Variants in BTBD8 observed in about 807,000 individuals in gnomAD.
The protein encoded by BTBD8 is BTB domain containing 8.
A neutral mutation model predicts 162.9 loss-of-function variants in BTBD8; 110 were observed. That is an observed-to-expected ratio of 0.68 (90% confidence interval 0.58 to 0.79). The LOEUF (loss-of-function observed/expected upper bound fraction) is 0.79. Ranked by LOEUF, BTBD8 falls within the 30% of genes least tolerant of loss-of-function variation. The pLI is 0.00. For missense variants in BTBD8, 1,905 were observed against 2,085.4 expected, an observed-to-expected ratio of 0.91 and a Z score of 1.68; for synonymous variants, 667 against 716.1, an observed-to-expected ratio of 0.93 and a Z score of 1.10.
In BTBD8 at chr1:92,182,313, A is replaced by G. The variant is rs1650937812; in HGVS notation, c.4630A>G (p.Ser1544Gly). Residue 1544 changes from serine (S) to glycine (G), a missense_variant, in exon 17 of 18, where the codon AGT (serine) becomes GGT (glycine). Physicochemically the swap from Ser to Gly is moderately conservative, Grantham distance 56 (BLOSUM62 0). Transcript: ENST00000636805. ...EKKNTIDVLS[S>G]RSRQLLREDK... Reference sequence around the variant, plus strand: ...AAAGAACACAATAGACGTCCTATCCAGTAGAAGCAGACAGCTTCTTCGAGA... The same window carrying G: ...AAAGAACACAATAGACGTCCTATCCGGTAGAAGCAGACAGCTTCTTCGAGA... The G allele has an allele frequency of 1.9e-6, 3 of 1,551,060 alleles. No individual in the cohort carries two copies. The highest frequency in any genetic ancestry group is 2.7e-5 in the African/African-American group (2 of 73,124).
intron 5 of BTBD8, among the ~76,000 whole-genome samples, chr1:92,136,272 C>T (rs1405506617): frequency 6.6e-6 from 1 of 151,906 alleles, no homozygotes; most frequent in African/African-American, 2.4e-5. Context: ...TATTTAAGGC[C>T]ATAGAATCAA....
At chr1:92,098,101 A>T (rs577064948) in intron 2 of BTBD8, among the ~76,000 whole-genome samples, 1 of 152,184 alleles carries the variant, frequency 6.6e-6, no homozygotes, top group Non-Finnish European at 1.5e-5. Context: ...TCCCAGGAGG[A>T]AAGTCTGTGT....
chr1:92,118,282 C>CTTTTTT (rs3040583), intron 4 of BTBD8, among the ~76,000 whole-genome samples: 7 of 122,308 alleles, frequency 5.7e-5, no homozygotes, highest in African/African-American at 1.9e-4. Context: ...TTCAGACTTT[C>CTTTTTT]TTTTTTTTTT....
chr1:92,091,020 G>C (rs576311909), intron 2 of BTBD8, among the ~76,000 whole-genome samples: 13 of 152,178 alleles, frequency 8.5e-5, no homozygotes, highest in African/African-American at 3.1e-4. Flanking sequence ...GAAACCATTG[G>C]CCTAATCTAG....
intron 4 of BTBD8, chr1:92,126,470 T>A: frequency 1.2e-6 from 1 of 855,630 alleles, no homozygotes; most frequent in Non-Finnish European, 1.8e-6. Flanking sequence ...GTCTGAAATC[T>A]GCCTCTTGGG....
intron 13 of BTBD8, among the ~76,000 whole-genome samples, chr1:92,173,977 C>T (rs1452889551): frequency 1.4e-4 from 21 of 151,904 alleles, no homozygotes. Flanking sequence ...TTGTTGCCTG[C>T]TTCATTTTTC....
intron 3 of BTBD8, among the ~76,000 whole-genome samples, chr1:92,105,451 C>G (rs1475897311): frequency 6.6e-6 from 1 of 151,974 alleles, no homozygotes; most frequent in African/African-American, 2.4e-5. Context: ...TGAGGTTTCC[C>G]TGCGTTGCCC....
chr1:92,174,155 A>T (rs1650635583), intron 13 of BTBD8, among the ~76,000 whole-genome samples: 1 of 152,092 alleles, frequency 6.6e-6, no homozygotes, highest in Non-Finnish European at 1.5e-5. Flanking sequence ...GTACGTGAGG[A>T]TTCATTATAC....
chr1:92,169,613 T>C (rs1438782949), intron 12 of BTBD8, among the ~76,000 whole-genome samples: 1 of 152,228 alleles, frequency 6.6e-6, no homozygotes, highest in Non-Finnish European at 1.5e-5. Context: ...GGTGTGGAAC[T>C]GAAAATGTCT....
intron 9 of BTBD8, among the ~76,000 whole-genome samples, chr1:92,151,521 A>G (rs958039569): frequency 5.3e-5 from 8 of 152,280 alleles, no homozygotes; most frequent in Admixed American, 1.3e-4. Flanking sequence ...TTCCTAATGT[A>G]GTAGTAGTAC....
intron 6 of BTBD8, chr1:92,139,926 A>C (rs1365125353): frequency 7.8e-6 from 1 of 128,648 alleles, no homozygotes; most frequent in Non-Finnish European, 1.6e-5. Flanking sequence ...GTCTCTACTA[A>C]AAATACAAAA....
rs553261784 is a variant in BTBD8 at position 92,166,695 on chromosome 1, G to A, written c.1123-263G>A. ...CCGCCTCAGCCTCCCAAAGTACTGG[G>A]ATTATAGGAATGAGCCACTGTACCC... On this transcript the variant is annotated intron_variant, in intron 9 of 17. Transcript: ENST00000636805. 4.6e-4 allele frequency among the ~76,000 whole-genome samples: 70 copies of A among 152,138 alleles called. 1 individual carries two copies. Among genetic ancestry groups the A allele is most frequent in the East Asian group, 9.6e-4 (5 of 5,184 alleles).
chr1:92,127,989 A>C (rs1482227532), intron 4 of BTBD8, among the ~76,000 whole-genome samples: 1 of 152,148 alleles, frequency 6.6e-6, no homozygotes, highest in East Asian at 1.9e-4. Flanking sequence ...TACAAGTCCT[A>C]CTTTCCTATC....
chr1:92,146,765 CAT>C (rs1553124354), intron 7 of BTBD8, among the ~76,000 whole-genome samples: 3 of 152,110 alleles, frequency 2.0e-5, no homozygotes, highest in Non-Finnish European at 4.4e-5. Flanking sequence ...AAGATCCCCC[CAT>C]GTCTTTTCAT....
At chr1:92,166,912 TTAGCAGTAA>T in intron 9 of BTBD8, 37 bp from the exon 10 acceptor site, 1 of 1,478,796 alleles carries the variant, frequency 6.8e-7, no homozygotes, top group Non-Finnish European at 9.0e-7. Context: ...AGTTATTTTA[TTAGCAGTAA>T]TAGCATCTAA....
chr1:92,113,391 C>T (rs974177555), intron 4 of BTBD8, among the ~76,000 whole-genome samples: 2 of 152,138 alleles, frequency 1.3e-5, no homozygotes, highest in Admixed American at 6.5e-5. Flanking sequence ...TGTGAGAGAA[C>T]ATAGGGAGAA....
At position 92,181,950 on chromosome 1, in the gene BTBD8, A is replaced by G; in HGVS notation, c.4267A>G (p.Asn1423Asp). 6.4e-7 allele frequency: 1 copy of G among 1,551,672 alleles called. No homozygotes were observed. The highest frequency in any genetic ancestry group is 8.7e-7 in the Non-Finnish European group (1 of 1,146,952). The change falls in exon 17 of 18, where the codon AAT becomes GAT. Residue 1423 changes from asparagine to aspartate, a missense_variant. Asn to Asp is a conservative substitution (Grantham distance 23). Transcript: ENST00000636805. The stretch of plus-strand genomic sequence containing the variant: ...TTTAGCTTTTGAAGATGCAACTGAA[A>G]ATGAATGTCGTGAATTTTCTGCAAC... Reference protein sequence around the residue: ...INLAFEDATENECREFSATKK... With the variant: ...INLAFEDATEDECREFSATKK...
At chr1:92,121,707 C>T (rs1315109104) in intron 4 of BTBD8, among the ~76,000 whole-genome samples, 1 of 152,152 alleles carries the variant, frequency 6.6e-6, no homozygotes, top group Non-Finnish European at 1.5e-5. Flanking sequence ...TAAAAAGTCC[C>T]CTTGTACCCA....
intron 4 of BTBD8, among the ~76,000 whole-genome samples, chr1:92,118,803 C>CTTTTTTTTTTTTTTTTTTTTTTTT (rs386367658): frequency 1.0e-5 from 1 of 95,282 alleles, no homozygotes; most frequent in African/African-American, 4.7e-5. Context: ...TTCTTTCTTT[C>CTTTTTTTTTTTTTTTTTTTTTTTT]TTTTTTTTTT....
Sources: allele counts gnomAD v4.1 joint callset (sites outside exome capture counted in the v4.1 genomes callset), GRCh38; gene constraint gnomAD v4.1.1; transcripts MANE v1.5; gene names NCBI Gene and HGNC (gene_info 2026-07-23, HGNC 2026-07-21).